The following RFX3 variants were observed in gnomAD, a reference collection of about 807,000 sequenced individuals.
RFX3 encodes the protein transcription factor RFX3.
In RFX3, 14 loss-of-function variants were observed where a neutral mutation model predicts 98.6. The ratio of observed to expected loss-of-function variants is 0.14; its 90% CI spans 0.09 to 0.22. The LOEUF is 0.22. Among genes scored for constraint, RFX3 ranks in the 10% least tolerant of loss-of-function variants. The probability of loss-of-function intolerance (pLI) is 1.00; values close to 1 mark genes in which losing one functional copy is unlikely to be tolerated. For synonymous variants in RFX3, 383 were observed against 328.4 expected, an observed-to-expected ratio of 1.17 and a Z score of -1.80; for missense variants, 639 against 926.9, an observed-to-expected ratio of 0.69 and a Z score of 4.03.
chr9:3,346,688 G>A lies in RFX3; in HGVS notation c.194C>T (p.Thr65Ile). The A allele has an allele frequency of 1.2e-6, 2 of 1,610,610 alleles. No homozygotes were observed. The highest frequency in any genetic ancestry group is 1.7e-5 in the Admixed American group (1 of 60,000). The change falls in exon 3 of 17, where the codon ACT becomes ATT. Residue 65 changes from threonine to isoleucine, a missense_variant. Around this residue, in one of 9 missense-constraint regions of RFX3, gnomAD observed 210 missense variants for 197.7 expected, o/e 1.06. Transcript: ENST00000617270. ...AQVQYVEGSD[T>I]VYTNGAIRTT... ...TTACATTGCTCCATTGGTATAGACAGTATCGCTTCCTTCCACATACTGCAC... is the reference window on the plus strand; with the variant it reads ...TTACATTGCTCCATTGGTATAGACAATATCGCTTCCTTCCACATACTGCAC...
intron 1 of RFX3, among the ~76,000 whole-genome samples, chr9:3,418,465 C>T (rs1843165133): frequency 6.6e-6 from 1 of 152,034 alleles, no homozygotes; most frequent in Non-Finnish European, 1.5e-5. Context: ...CTGCAACCTC[C>T]AGCTCCTGGG....
intron 12 of RFX3, among the ~76,000 whole-genome samples, chr9:3,263,373 A>G (rs1181619454): frequency 6.6e-6 from 1 of 152,206 alleles, no homozygotes; most frequent in Non-Finnish European, 1.5e-5. Context: ...ACTCATCCAC[A>G]GTAAGAAATG....
rs1440297317 is a variant in RFX3 at position 3,248,790 on chromosome 9, A to T, written c.1815-605T>A. Among the ~76,000 whole-genome samples the T allele has an allele frequency of 3.3e-5, 5 of 152,366 alleles. No individual in the cohort carries two copies. The East Asian group carries it at 9.6e-4, about 29-fold the overall frequency. On this transcript the variant is annotated intron_variant, in intron 14 of 16. Transcript: ENST00000617270. The stretch of plus-strand genomic sequence containing the variant: ...ATGATTTCCACTTAAATTAAGGCAC[A>T]TTTACATTAGAAATAAGCACAATAA...
intron 9 of RFX3, among the ~76,000 whole-genome samples, chr9:3,273,701 T>G (rs528063682): frequency 6.6e-6 from 1 of 151,916 alleles, no homozygotes; most frequent in African/African-American, 2.4e-5. Flanking sequence ...CCATCTTTAC[T>G]GAAAATACAA....
chr9:3,495,021 A>G (rs1280127231), intron 1 of RFX3, among the ~76,000 whole-genome samples: 4 of 152,192 alleles, frequency 2.6e-5, no homozygotes, highest in South Asian at 2.1e-4. Flanking sequence ...AATTCTATCA[A>G]TATGAAGAAT....
At chr9:3,381,411 T>C (rs939464204) in intron 2 of RFX3, among the ~76,000 whole-genome samples, 1 of 152,102 alleles carries the variant, frequency 6.6e-6, no homozygotes, top group African/African-American at 2.4e-5. Context: ...AGTATCACTT[T>C]CCAAAAAACT....
chr9:3,377,364 T>C (rs1053353515), intron 2 of RFX3, among the ~76,000 whole-genome samples: 3 of 152,130 alleles, frequency 2.0e-5, no homozygotes, highest in African/African-American at 7.2e-5. Flanking sequence ...AAACACCGCA[T>C]GTTCTCACTC....
At chr9:3,270,340 A>G in intron 11 of RFX3, 31 bp downstream of exon 11, 1 of 1,585,696 alleles carries the variant, frequency 6.3e-7, no homozygotes. Flanking sequence ...ATGAGAACAA[A>G]AGCATCCGTA....
chr9:3,512,970 C>T (rs888624496), intron 1 of RFX3, among the ~76,000 whole-genome samples: 1 of 152,062 alleles, frequency 6.6e-6, no homozygotes, highest in South Asian at 2.1e-4. Flanking sequence ...AATTGGAAAC[C>T]TTAAAAAATA....
Position 3,307,392 on chromosome 9 carries a change from A to G in RFX3, c.475-5772T>C, listed in dbSNP as rs1457758532. 2.6e-5 allele frequency among the ~76,000 whole-genome samples: 4 copies of G among 152,216 alleles called. No homozygotes were observed. The East Asian group carries it at 7.7e-4, about 29-fold the overall frequency. ...GAATTAATCTGACATCACTTCATAT[A>G]TTATTAATAATTTGGGATATAATGT... On this transcript the variant is annotated intron_variant, in intron 4 of 16. Coordinates refer to ENST00000617270, the MANE Select transcript of RFX3 (RefSeq NM_001282116.2).
At chr9:3,373,895 G>A (rs896840574) in intron 2 of RFX3, among the ~76,000 whole-genome samples, 3 of 152,092 alleles carry the variant, frequency 2.0e-5, no homozygotes, top group Non-Finnish European at 2.9e-5. Flanking sequence ...TGGCTCACAC[G>A]GTGAAATCCC....
At chr9:3,341,589 G>C (rs569268433) in intron 3 of RFX3, among the ~76,000 whole-genome samples, 1 of 152,130 alleles carries the variant, frequency 6.6e-6, no homozygotes, top group South Asian at 2.1e-4. Flanking sequence ...CAAGTAGTCG[G>C]CTCCTGTTTC....
intron 1 of RFX3, among the ~76,000 whole-genome samples, chr9:3,465,204 C>G (rs1288229870): frequency 2.6e-5 from 4 of 152,188 alleles, no homozygotes; most frequent in Non-Finnish European, 2.9e-5. Flanking sequence ...CTGACAGCAT[C>G]TTAGTATCTC....
intron 4 of RFX3, among the ~76,000 whole-genome samples, chr9:3,309,265 G>A (rs993797704): frequency 2.0e-5 from 3 of 152,024 alleles, no homozygotes; most frequent in Non-Finnish European, 4.4e-5. Flanking sequence ...TTTCACACCA[G>A]GGAGAAAAAA....
chr9:3,524,908 AAAG>A (rs1455421849), intron 1 of RFX3, among the ~76,000 whole-genome samples: 2 of 151,792 alleles, frequency 1.3e-5, no homozygotes, highest in Non-Finnish European at 2.9e-5. Flanking sequence ...AGACTTTAAA[AAAG>A]AAAAACATCT....
intron 1 of RFX3, among the ~76,000 whole-genome samples, chr9:3,492,326 T>G (rs1008573752): frequency 6.6e-6 from 1 of 152,222 alleles, no homozygotes; most frequent in South Asian, 2.1e-4. Context: ...TTGACACTCA[T>G]GTCAGATGTC....
chr9:3,422,032 G>C (rs189615925), intron 1 of RFX3, among the ~76,000 whole-genome samples: 1 of 152,174 alleles, frequency 6.6e-6, no homozygotes. Context: ...GAGGCATTTG[G>C]ATAAGGAGAC....
intron 1 of RFX3, among the ~76,000 whole-genome samples, chr9:3,427,083 C>T (rs1844115901): frequency 6.6e-6 from 1 of 151,498 alleles, no homozygotes; most frequent in Non-Finnish European, 1.5e-5. Flanking sequence ...CATACATGAG[C>T]CTTTTTCAGC....
intron 1 of RFX3, chr9:3,420,766 G>T: frequency 3.1e-6 from 3 of 983,284 alleles, no homozygotes; most frequent in Non-Finnish European, 3.6e-6. Context: ...CATCACTACT[G>T]TTCTTTCCTT....
Sources: allele counts gnomAD v4.1 joint callset (sites outside exome capture counted in the v4.1 genomes callset), GRCh38; gene constraint gnomAD v4.1.1; regional missense constraint gnomAD v4.1.1; transcripts MANE v1.5; gene names NCBI Gene and HGNC (gene_info 2026-07-23, HGNC 2026-07-21).